Variants in OR10J1 observed in about 807,000 individuals in gnomAD.
OR10J1 encodes the protein olfactory receptor 10J1.
For missense variants in OR10J1, 474 were observed against 376.6 expected (o/e 1.26, Z -2.14); for synonymous variants, 202 against 143.8 (o/e 1.40, Z -2.89).
At chr1:159,438,352 T>C (rs1655799520), upstream of OR10J1, among the ~76,000 whole-genome samples, 1 of 152,202 alleles carries the variant, frequency 6.6e-6, no homozygotes, top group South Asian at 2.1e-4. Context: ...TTGGGCAGAA[T>C]CACCACAAGT....
chr1:159,412,261 C>T, the OR10J1 span, among the ~76,000 whole-genome samples: 3 of 151,756 alleles, frequency 2.0e-5, no homozygotes, highest in African/African-American at 7.3e-5. Flanking sequence ...GGCCATACTG[C>T]CCAAGGTAAT....
rs775760915 is a variant in OR10J1, at chr1:159,440,477, C to A, written c.686C>A (p.Ser229Ter). Residue 229 changes from serine to a stop codon, truncating the protein, a stop_gained, in exon 1 of 1, where the codon TCA becomes TAA. Coordinates refer to ENST00000423932, the MANE Select transcript of OR10J1 (RefSeq NM_012351.3). LOFTEE classifies it low-confidence loss of function (END_TRUNC). ...LIISTILKIA[S>*]VEGRKKAFAT... ...ATCTCTACAATCCTCAAGATTGCTT[C>A]AGTTGAGGGCCGGAAGAAGGCTTTT... The A allele has an allele frequency of 6.2e-7, 1 of 1,614,008 alleles. No individual in the cohort carries two copies. The highest frequency in any genetic ancestry group is 1.1e-5 in the South Asian group (1 of 91,082).
the OR10J1 span, among the ~76,000 whole-genome samples, chr1:159,410,212 T>C: frequency 6.6e-6 from 1 of 152,170 alleles, no homozygotes; most frequent in African/African-American, 2.4e-5. Flanking sequence ...GCTGGCCTCA[T>C]AAAATGAGTT....
the OR10J1 span, among the ~76,000 whole-genome samples, chr1:159,400,605 T>G: frequency 2.0e-5 from 3 of 150,428 alleles, no homozygotes; most frequent in South Asian, 4.1e-4. Context: ...ACCCAATATA[T>G]AAAAGATATA....
the OR10J1 span, among the ~76,000 whole-genome samples, chr1:159,429,774 C>G: frequency 1.3e-5 from 2 of 152,128 alleles, no homozygotes; most frequent in East Asian, 3.9e-4. Context: ...TGCAGGAGAG[C>G]CTGGTGCTGC....
the OR10J1 span, among the ~76,000 whole-genome samples, chr1:159,409,049 T>C: frequency 1.3e-5 from 2 of 152,126 alleles, no homozygotes; most frequent in African/African-American, 4.8e-5. Context: ...ATGTCCGTCA[T>C]GTACTTCCTA....
chr1:159,406,033 AGTT>A, the OR10J1 span: 1 of 428,092 alleles, frequency 2.3e-6, no homozygotes, highest in African/African-American at 2.0e-5. Context: ...AGAAGAAAGC[AGTT>A]GTTGATGCCA....
At chr1:159,428,865 C>A in the OR10J1 span, among the ~76,000 whole-genome samples, 7 of 152,168 alleles carry the variant, frequency 4.6e-5, no homozygotes, top group Non-Finnish European at 1.0e-4. Context: ...AATAAACTGT[C>A]CTGCTTTCAA....
chr1:159,425,176 CA>C, the OR10J1 span, among the ~76,000 whole-genome samples: 1 of 152,002 alleles, frequency 6.6e-6, no homozygotes, highest in African/African-American at 2.4e-5. Context: ...GTGGACGTTT[CA>C]AAAAATTTAC....
At chr1:159,411,355 G>A in the OR10J1 span, among the ~76,000 whole-genome samples, 1 of 152,078 alleles carries the variant, frequency 6.6e-6, no homozygotes, top group Non-Finnish European at 1.5e-5. Context: ...AGGTCTCCAA[G>A]GACTTGCTTT....
chr1:159,433,489 G>C (rs1655646554), upstream of OR10J1, among the ~76,000 whole-genome samples: 1 of 152,116 alleles, frequency 6.6e-6, no homozygotes, highest in African/African-American at 2.4e-5. Flanking sequence ...TCATATCATA[G>C]GAGTTTATGT....
the OR10J1 span, among the ~76,000 whole-genome samples, chr1:159,427,851 A>G: frequency 2.0e-5 from 3 of 152,296 alleles, no homozygotes; most frequent in South Asian, 2.1e-4. Context: ...ATATACAAAG[A>G]TCAAGTAGGG....
upstream of OR10J1, among the ~76,000 whole-genome samples, chr1:159,434,188 T>A (rs1392662105): frequency 1.3e-5 from 2 of 152,188 alleles, no homozygotes; most frequent in Non-Finnish European, 2.9e-5. Context: ...CAAGGCAGAA[T>A]CAGGATTTAA....
chr1:159,417,806 T>C, the OR10J1 span, among the ~76,000 whole-genome samples: 1 of 152,162 alleles, frequency 6.6e-6, no homozygotes. Context: ...GTGGGAAAGT[T>C]TGGAACTACC....
At chr1:159,421,030 C>T in the OR10J1 span, among the ~76,000 whole-genome samples, 1 of 152,046 alleles carries the variant, frequency 6.6e-6, no homozygotes, top group Non-Finnish European at 1.5e-5. Flanking sequence ...TGAGATACCA[C>T]AAATTTGAGT....
At chr1:159,398,468 T>G in the OR10J1 span, among the ~76,000 whole-genome samples, 1 of 152,122 alleles carries the variant, frequency 6.6e-6, no homozygotes, top group Admixed American at 6.5e-5. Context: ...GAAAGGGAAT[T>G]CAAAATAGAT....
At chr1:159,435,887 C>A (rs1655723519), upstream of OR10J1, among the ~76,000 whole-genome samples, 1 of 152,166 alleles carries the variant, frequency 6.6e-6, no homozygotes, top group Non-Finnish European at 1.5e-5. Flanking sequence ...CACATGTGTT[C>A]ATTTTCTTCT....
the OR10J1 span, among the ~76,000 whole-genome samples, chr1:159,416,766 T>A: frequency 6.6e-6 from 1 of 152,074 alleles, no homozygotes; most frequent in Non-Finnish European, 1.5e-5. Context: ...TTACTCATTA[T>A]AAGTGTGTTC....
the OR10J1 span, among the ~76,000 whole-genome samples, chr1:159,422,728 A>T: frequency 2.0e-5 from 3 of 152,194 alleles, no homozygotes; most frequent in Non-Finnish European, 4.4e-5. Flanking sequence ...GCCTTTGTGT[A>T]GTCCCCAGGA....
Sources: gnomAD v4.1 joint callset for allele counts (sites outside exome capture counted in the v4.1 genomes callset) on GRCh38, gnomAD v4.1.1 for gene constraint, MANE v1.5 for transcripts, NCBI Gene and HGNC (gene_info 2026-07-23, HGNC 2026-07-21) for gene names.